Variants in C1D observed in about 807,000 individuals in gnomAD.
C1D encodes the protein C1D nuclear receptor corepressor.
C1D carries 10 observed loss-of-function variants against 17.5 expected under a neutral mutation model. The observed-to-expected ratio is 0.57, with a 90% CI of 0.35 to 0.97. The LOEUF (loss-of-function observed/expected upper bound fraction) is 0.97. C1D is among the 50% of genes least tolerant of loss of function. The pLI, the probability that C1D is intolerant of heterozygous loss-of-function variation, is 0.01. For missense variants in C1D, 136 were observed against 160.1 expected, an observed-to-expected ratio of 0.85 and a Z score of 0.81; for synonymous variants, 49 against 54.0, an observed-to-expected ratio of 0.91 and a Z score of 0.40.
intron 1 of C1D, among the ~76,000 whole-genome samples, chr2:68,055,540 A>G (rs1572886881): frequency 6.6e-6 from 1 of 152,228 alleles, no homozygotes; most frequent in East Asian, 1.9e-4. Flanking sequence ...TAACAACCAA[A>G]TGAAATACAC....
chr2:68,047,213 T>C lies in C1D; in HGVS notation c.98A>G (p.Lys33Arg). The change falls in exon 2 of 5, where the codon AAG becomes AGG. Residue 33 changes from lysine to arginine, a missense_variant. By Grantham distance (26) the Lys-to-Arg change is conservative. Coordinates refer to ENST00000410067, the MANE Select transcript of C1D (RefSeq NM_173177.3). ...ATTTCTAGAAACAGACATCATGGTCTTCAGCATCTCATCCACAGCACCAAT... is the reference window on the plus strand; with the variant it reads ...ATTTCTAGAAACAGACATCATGGTCCTCAGCATCTCATCCACAGCACCAAT... ...NSIGAVDEML[K>R]TMMSVSRNEL... 1 of 1,612,262 alleles carries C rather than the reference T, an allele frequency of 6.2e-7. No individual in the cohort carries two copies. The highest frequency in any genetic ancestry group is 8.5e-7 in the Non-Finnish European group (1 of 1,179,598).
Position 68,046,331 on chromosome 2 carries a change from G to C in C1D, c.205+13C>G. ...AATTTGCTTTCTAATTAATTCCAAA[G>C]TAACACACATACCCCAAAACATTGA... On this transcript the variant is annotated intron_variant, in intron 3 of 4. Transcript: ENST00000410067. The C allele has an allele frequency of 6.3e-7, 1 of 1,595,586 alleles. No homozygotes were observed. The highest frequency in any genetic ancestry group is 8.6e-7 in the Non-Finnish European group (1 of 1,166,800).
intron 2 of C1D, 99 bp downstream of exon 2, chr2:68,047,074 G>A: frequency 9.8e-7 from 1 of 1,022,978 alleles, no homozygotes; most frequent in Admixed American, 3.4e-5. Context: ...AAGGGGAAAA[G>A]GGGCATAGGT....
intron 1 of C1D, chr2:68,053,071 T>C (rs780899321): frequency 6.4e-7 from 1 of 1,550,620 alleles, no homozygotes; most frequent in South Asian, 1.2e-5. Context: ...CCAGCTCTGC[T>C]CCTCACCCTC....
At chr2:68,043,418 TA>T (rs560644998) in intron 4 of C1D, among the ~76,000 whole-genome samples, 35 of 152,246 alleles carry the variant, frequency 2.3e-4, no homozygotes, top group Admixed American at 2.2e-3. Flanking sequence ...GTATCTAAAG[TA>T]AAAAACCGGA....
intron 1 of C1D, 59 bp from the exon 2 acceptor site, chr2:68,047,378 C>CAA: frequency 4.5e-5 from 49 of 1,098,550 alleles, no homozygotes; most frequent in South Asian, 1.4e-4. Flanking sequence ...CTTTAGTTTC[C>CAA]AAAAAAAAAA....
At chr2:68,062,904 A>G (rs1671678324) in intron 1 of C1D, 54 bp downstream of exon 1, 2 of 152,268 alleles carry the variant, frequency 1.3e-5, no homozygotes, top group African/African-American at 2.4e-5. Flanking sequence ...GGAGAGGAAA[A>G]GCGGAGTTAA....
chr2:68,057,974 GC>G (rs1558585821), intron 1 of C1D, among the ~76,000 whole-genome samples: 1 of 152,094 alleles, frequency 6.6e-6, no homozygotes, highest in African/African-American at 2.4e-5. Context: ...TTCTCTTTCT[GC>G]CCCCAGCCAA....
At chr2:68,046,298 C>A in intron 3 of C1D, 46 bp downstream of exon 3, 4 of 1,335,082 alleles carry the variant, frequency 3.0e-6, no homozygotes, top group Non-Finnish European at 4.3e-6. Flanking sequence ...ATCTTTCACA[C>A]AATAAGTAAT....
chr2:68,046,123 CA>C, intron 3 of C1D, 80 bp from the exon 4 acceptor site: 1 of 1,041,544 alleles, frequency 9.6e-7, no homozygotes, highest in Non-Finnish European at 1.4e-6. Flanking sequence ...TAGTTATTCA[CA>C]AAAAAGGAAA....
chr2:68,053,085 C>A (rs745569734), intron 1 of C1D: 17 of 1,550,622 alleles, frequency 1.1e-5, no homozygotes, highest in Non-Finnish European at 1.4e-5. Flanking sequence ...CACCCTCCTC[C>A]GGGGTTCTAT....
chr2:68,051,355 T>G (rs182519322), intron 1 of C1D, among the ~76,000 whole-genome samples: 429 of 151,996 alleles, frequency 2.8e-3, no homozygotes, highest in African/African-American at 1.0e-2. Flanking sequence ...CCCATATCTA[T>G]AATTAAAATA....
intron 1 of C1D, among the ~76,000 whole-genome samples, chr2:68,058,137 G>A (rs1013763916): frequency 6.6e-6 from 1 of 152,152 alleles, no homozygotes. Context: ...ATTGCAAAAT[G>A]TCATGTAAAT....
At chr2:68,057,601 G>A (rs1477607527) in intron 1 of C1D, among the ~76,000 whole-genome samples, 1 of 152,124 alleles carries the variant, frequency 6.6e-6, no homozygotes, top group African/African-American at 2.4e-5. Context: ...AAGTGAGGAA[G>A]TACATTTTGT....
intron 1 of C1D, among the ~76,000 whole-genome samples, chr2:68,056,570 TAAC>T (rs1671444597): frequency 1.3e-5 from 2 of 151,922 alleles, no homozygotes; most frequent in Admixed American, 6.6e-5. Context: ...TGAATCAATT[TAAC>T]AATAACAAAA....
rs765182835 is a variant in C1D at position 68,045,996 on chromosome 2, G to C, written c.253C>G (p.Gln85Glu). 6.3e-6 allele frequency: 10 copies of C among 1,585,200 alleles called. No homozygotes were observed. Among genetic ancestry groups the C allele is most frequent in the Non-Finnish European group, 8.6e-6 (10 of 1,164,958 alleles). Residue 85 changes from glutamine (Q) to glutamate (E), a missense_variant, in exon 4 of 5, where the codon CAG becomes GAG. Gln to Glu is a conservative substitution (Grantham distance 29, BLOSUM62 2). Coordinates refer to ENST00000410067, the MANE Select transcript of C1D (RefSeq NM_173177.3). Reference protein sequence around the residue: ...GVNPKEHPVKQELERIRVYMN... With the variant: ...GVNPKEHPVKEELERIRVYMN... ...AGAAATTAAAATCTTACCAATTCCT[G>C]TTTTACTGGATGTTCCTTAGGATTA...
chr2:68,054,679 C>T (rs1671387925), intron 1 of C1D, among the ~76,000 whole-genome samples: 1 of 152,092 alleles, frequency 6.6e-6, no homozygotes, highest in South Asian at 2.1e-4. Flanking sequence ...AAGACAATCA[C>T]AGCCAGGCAC....
At chr2:68,054,348 T>C (rs925785616) in intron 1 of C1D, among the ~76,000 whole-genome samples, 1 of 152,148 alleles carries the variant, frequency 6.6e-6, no homozygotes, top group African/African-American at 2.4e-5. Context: ...GTAGGAGATA[T>C]ATATTAAGAG....
At chr2:68,051,162 TTA>T (rs1202653271) in intron 1 of C1D, among the ~76,000 whole-genome samples, 4 of 152,146 alleles carry the variant, frequency 2.6e-5, no homozygotes, top group African/African-American at 9.7e-5. Flanking sequence ...GTAAATAAGA[TTA>T]TGCCATGCTT....
Sources: gnomAD v4.1 joint callset for allele counts (sites outside exome capture counted in the v4.1 genomes callset) on GRCh38, gnomAD v4.1.1 for gene constraint, MANE v1.5 for transcripts, NCBI Gene and HGNC (gene_info 2026-07-23, HGNC 2026-07-21) for gene names.